BCKDHB: variants seen among roughly 807,000 people sequenced by gnomAD.
BCKDHB encodes 2-oxoisovalerate dehydrogenase subunit beta, mitochondrial.
A neutral mutation model predicts 48.5 loss-of-function variants in BCKDHB; 41 were observed. The ratio of observed to expected loss-of-function variants is 0.85; its 90% CI spans 0.66 to 1.10. The LOEUF (loss-of-function observed/expected upper bound fraction) is 1.10. Among genes scored for constraint, BCKDHB ranks in the 50% least tolerant of loss-of-function variants. The pLI, the probability that BCKDHB is intolerant of heterozygous loss-of-function variation, is 0.00. For missense variants in BCKDHB, 496 were observed against 494.2 expected, an observed-to-expected ratio of 1.00 and a Z score of -0.03; for synonymous variants, 201 against 174.8, an observed-to-expected ratio of 1.15 and a Z score of -1.18.
the BCKDHB span, among the ~76,000 whole-genome samples, chr6:80,429,420 G>A: frequency 1.3e-5 from 2 of 152,182 alleles, no homozygotes; most frequent in African/African-American, 2.4e-5. Flanking sequence ...AAAGTCAATG[G>A]TAGCTTGATT....
intron 6 of BCKDHB, among the ~76,000 whole-genome samples, chr6:80,199,480 A>G (rs1005522684): frequency 1.3e-5 from 2 of 152,116 alleles, no homozygotes; most frequent in African/African-American, 2.4e-5. Context: ...GTATTTTCGC[A>G]TAAGAACTCA....
At chr6:80,178,413 A>G (rs1191217235) in intron 6 of BCKDHB, among the ~76,000 whole-genome samples, 1 of 152,230 alleles carries the variant, frequency 6.6e-6, no homozygotes, top group Non-Finnish European at 1.5e-5. Flanking sequence ...TAAGATGAAA[A>G]TATCCTTCGT....
At chr6:80,197,167 C>T (rs1171924755) in intron 6 of BCKDHB, among the ~76,000 whole-genome samples, 1 of 152,086 alleles carries the variant, frequency 6.6e-6, no homozygotes, top group Non-Finnish European at 1.5e-5. Flanking sequence ...AAGCACATAG[C>T]CGTGGGGTAG....
At chr6:80,251,152 G>A (rs915132267) in intron 8 of BCKDHB, among the ~76,000 whole-genome samples, 2 of 152,066 alleles carry the variant, frequency 1.3e-5, no homozygotes, top group Non-Finnish European at 1.5e-5. Context: ...TGGTAAGCTT[G>A]GGAATTCTAT....
intron 3 of BCKDHB, among the ~76,000 whole-genome samples, chr6:80,142,697 G>C (rs983172044): frequency 2.6e-5 from 4 of 151,940 alleles, no homozygotes; most frequent in African/African-American, 9.7e-5. Context: ...AAAACATTTT[G>C]CTTTTGTGTT....
chr6:80,324,037 G>A (rs1030565738), intron 9 of BCKDHB, among the ~76,000 whole-genome samples: 1 of 152,186 alleles, frequency 6.6e-6, no homozygotes, highest in Non-Finnish European at 1.5e-5. Flanking sequence ...CTCCCAAAGT[G>A]CTGGGATTAC....
the BCKDHB span, among the ~76,000 whole-genome samples, chr6:80,456,455 ATTG>A: frequency 2.6e-5 from 4 of 152,026 alleles, no homozygotes; most frequent in East Asian, 1.9e-4. Context: ...ATTTCTGTCT[ATTG>A]TTGTTAGCTG....
At chr6:80,388,634 T>C in the BCKDHB span, among the ~76,000 whole-genome samples, 22 of 152,236 alleles carry the variant, frequency 1.4e-4, no homozygotes, top group African/African-American at 5.1e-4. Flanking sequence ...GTAAGTTACA[T>C]GAGGAAGTGG....
chr6:80,371,411 G>A, the BCKDHB span, among the ~76,000 whole-genome samples: 1 of 152,114 alleles, frequency 6.6e-6, no homozygotes, highest in African/African-American at 2.4e-5. Flanking sequence ...TATAGATTGT[G>A]AAGATTTTCT....
the BCKDHB span, among the ~76,000 whole-genome samples, chr6:80,353,680 C>T: frequency 1.3e-5 from 2 of 151,994 alleles, no homozygotes; most frequent in South Asian, 4.2e-4. Flanking sequence ...TGGTGAAACC[C>T]CATCTCTACT....
chr6:80,383,625 GTTCT>G, the BCKDHB span, among the ~76,000 whole-genome samples: 1 of 151,598 alleles, frequency 6.6e-6, no homozygotes, highest in Non-Finnish European at 1.5e-5. Flanking sequence ...AAAAATCCAA[GTTCT>G]TTTTTTTCAA....
At chr6:80,398,240 C>T in the BCKDHB span, among the ~76,000 whole-genome samples, 1 of 85,054 alleles carries the variant, frequency 1.2e-5, no homozygotes, top group Non-Finnish European at 2.3e-5. Context: ...CAGAGCTAAA[C>T]TGAAGGAGAT....
chr6:80,418,715 G>A, the BCKDHB span, among the ~76,000 whole-genome samples: 4 of 152,262 alleles, frequency 2.6e-5, no homozygotes, highest in East Asian at 1.9e-4. Context: ...GTGATAGGTG[G>A]TGTTAACCAA....
At chr6:80,392,987 A>C in the BCKDHB span, among the ~76,000 whole-genome samples, 1 of 151,620 alleles carries the variant, frequency 6.6e-6, no homozygotes, top group Non-Finnish European at 1.5e-5. Context: ...TGGAATATGA[A>C]GATTTTCTCT....
At chr6:80,223,241 C>A (rs924787856) in intron 8 of BCKDHB, among the ~76,000 whole-genome samples, 19 of 152,018 alleles carry the variant, frequency 1.2e-4, no homozygotes, top group African/African-American at 4.6e-4. Context: ...GTTTGAAATA[C>A]AATATTATTG....
chr6:80,340,981 A>G (rs6454152), intron 9 of BCKDHB, among the ~76,000 whole-genome samples: 118,089 of 152,164 alleles, frequency 0.78, 46,200 homozygotes, highest in Admixed American at 0.84. Context: ...CTTATTTCCA[A>G]CTGCTTAAAA....
the BCKDHB span, among the ~76,000 whole-genome samples, chr6:80,457,569 C>T: frequency 1.3e-5 from 2 of 152,160 alleles, no homozygotes; most frequent in East Asian, 3.9e-4. Flanking sequence ...TAGCTATTGG[C>T]TCACTCATTC....
At chr6:80,296,662 T>A (rs2127988768) in intron 9 of BCKDHB, among the ~76,000 whole-genome samples, 1 of 152,298 alleles carries the variant, frequency 6.6e-6, no homozygotes, top group East Asian at 1.9e-4. Context: ...ACATTTTTTT[T>A]TAATGAGCAG....
the BCKDHB span, among the ~76,000 whole-genome samples, chr6:80,396,668 A>T: frequency 1.3e-5 from 2 of 152,180 alleles, no homozygotes. Flanking sequence ...ATGCCCATGC[A>T]GCTGTTCTTG....
Sources: allele counts gnomAD v4.1 joint callset (sites outside exome capture counted in the v4.1 genomes callset), GRCh38; gene constraint gnomAD v4.1.1; transcripts MANE v1.5; gene names NCBI Gene and HGNC (gene_info 2026-07-23, HGNC 2026-07-21).